The following USP39 variants were observed in gnomAD, a reference collection of about 807,000 sequenced individuals.
USP39 encodes the protein ubiquitin specific peptidase 39, also known as ubiquitin carboxyl-terminal hydrolase 39.
A neutral mutation model predicts 66.4 loss-of-function variants in USP39; 38 were observed. The observed-to-expected ratio is 0.57, with a 90% CI of 0.44 to 0.75. The LOEUF is 0.75. Ranked by LOEUF, USP39 falls within the 30% of genes least tolerant of loss-of-function variation. The pLI is 0.00. For missense variants in USP39, 608 were observed against 714.4 expected, an observed-to-expected ratio of 0.85 and a Z score of 1.70; for synonymous variants, 303 against 274.6, an observed-to-expected ratio of 1.10 and a Z score of -1.02.
chr2:85,616,301 C>G lies in USP39; in HGVS notation c.106C>G (p.Arg36Gly). ...GRVKRERDRE[R>G]EPEAASSRGS... The stretch of plus-strand genomic sequence containing the variant: ...CGTCAAGCGGGAGCGAGATCGGGAG[C>G]GGGAGCCTGAGGCGGCGAGCTCCCG... Residue 36 changes from arginine (R) to glycine (G), a missense_variant, in exon 1 of 13, where the codon CGG becomes GGG. Around this residue, in one of 6 missense-constraint regions of USP39, gnomAD observed 207 missense variants for 145.7 expected, o/e 1.42. Transcript: ENST00000323701. 2 of 1,576,264 alleles carry G rather than the reference C, an allele frequency of 1.3e-6. No individual in the cohort carries two copies. The highest frequency in any genetic ancestry group is 1.7e-6 in the Non-Finnish European group (2 of 1,159,830).
chr2:85,616,160 T>TG (rs1218580734), upstream of USP39: 1 of 1,406,736 alleles, frequency 7.1e-7, no homozygotes, highest in Non-Finnish European at 9.3e-7. Flanking sequence ...CGAGCGTGCT[T>TG]GGCGCCTGCG....
At chr2:85,631,456 A>T (rs1675327901) in intron 6 of USP39, among the ~76,000 whole-genome samples, 1 of 151,658 alleles carries the variant, frequency 6.6e-6, no homozygotes, top group Non-Finnish European at 1.5e-5. Context: ...CTATGATTAC[A>T]GGCATGAGCC....
upstream of USP39, chr2:85,610,755 TCTCTC>T (rs1468846758): frequency 7.3e-6 from 1 of 137,346 alleles, no homozygotes; most frequent in African/African-American, 3.2e-5. Flanking sequence ...CCCTTCTCTC[TCTCTC>T]TTTTTTTTTT....
rs1676054505 is a variant in USP39, at chr2:85,639,411, GC to G, written c.1284+23del. ...GAGAAGGTAGCCCATTAACACACCTGCCCTGCCTATACTTACCCTCGCTCTC... is the reference window on the plus strand; with the variant it reads ...GAGAAGGTAGCCCATTAACACACCTGCCTGCCTATACTTACCCTCGCTCTC... On this transcript the variant is annotated intron_variant, in intron 9 of 12. Transcript: ENST00000323701. 3.1e-6 allele frequency: 5 copies of G among 1,601,494 alleles called. No homozygotes were observed. In the South Asian group the frequency reaches 3.3e-5, roughly 11 times the overall value.
intron 1 of USP39, among the ~76,000 whole-genome samples, chr2:85,605,914 C>G (rs1441640421): frequency 6.6e-6 from 1 of 152,152 alleles, no homozygotes; most frequent in Non-Finnish European, 1.5e-5. Flanking sequence ...TCATTTGGTA[C>G]AAAAAGCTTT....
At chr2:85,612,261 G>T, upstream of USP39, 1 of 1,444,422 alleles carries the variant, frequency 6.9e-7, no homozygotes, top group Non-Finnish European at 9.3e-7. Context: ...TAGGAAACAA[G>T]GACTTCGGCT....
At chr2:85,630,632 A>T in intron 5 of USP39, 89 bp from the exon 6 acceptor site, 7 of 1,316,640 alleles carry the variant, frequency 5.3e-6, no homozygotes, top group Non-Finnish European at 7.5e-6. Context: ...GCACATCACA[A>T]ATTCTATTAG....
In USP39 at chr2:85,616,195, G is replaced by C; in HGVS notation, c.-1G>C. 1 of 1,443,580 alleles carries C rather than the reference G, an allele frequency of 6.9e-7. No homozygotes were observed. Among genetic ancestry groups the C allele is most frequent in the South Asian group, 1.5e-5 (1 of 66,150 alleles). The allele number at this position is 1,443,580 out of a possible 1,614,324, so 89.4% of individuals were successfully genotyped here. Reference sequence around the variant, plus strand: ...GCTGGACGACTCGGCCGGTAGTGGAGATGTCCGGCCGGTCTAAGCGGGAGT... The same window carrying C: ...GCTGGACGACTCGGCCGGTAGTGGACATGTCCGGCCGGTCTAAGCGGGAGT... On this transcript the variant is annotated 5_prime_UTR_variant, in exon 1 of 13. Coordinates refer to ENST00000323701, the MANE Select transcript of USP39 (RefSeq NM_006590.4).
chr2:85,635,993 G>GC (rs755690108), intron 6 of USP39, 60 bp from the exon 7 acceptor site: 1 of 1,553,138 alleles, frequency 6.4e-7, no homozygotes, highest in Non-Finnish European at 8.9e-7. Context: ...CCAGTGCATG[G>GC]TTTAAGTTAA....
At chr2:85,641,530 T>C (rs1676229013) in intron 10 of USP39, among the ~76,000 whole-genome samples, 1 of 152,198 alleles carries the variant, frequency 6.6e-6, no homozygotes, top group Non-Finnish European at 1.5e-5. Context: ...TCCTTCCAAC[T>C]CAGAAAACTT....
Position 85,616,403 on chromosome 2 carries a change from G to T in USP39, c.208G>T (p.Val70Leu), listed in dbSNP as rs759983127. The change falls in exon 1 of 13, where the codon GTG becomes TTG. Residue 70 changes from valine to leucine, a missense_variant. By Grantham distance (32) the Val-to-Leu change is conservative. Coordinates refer to ENST00000323701, the MANE Select transcript of USP39 (RefSeq NM_006590.4). Reference protein sequence around the residue: ...REAPASVVPFVRVKREREVDE... With the variant: ...REAPASVVPFLRVKREREVDE... ...GGCCCCGGCTTCTGTTGTCCCGTTT[G>T]TGCGGGTGAAGCGGGAGCGCGAGGT... 25 of 1,602,818 alleles carry T rather than the reference G, an allele frequency of 1.6e-5. No homozygotes were observed. The highest frequency in any genetic ancestry group is 1.0e-4 in the Admixed American group (6 of 59,210).
upstream of USP39, among the ~76,000 whole-genome samples, chr2:85,614,998 T>A (rs967873141): frequency 7.6e-6 from 1 of 132,308 alleles, no homozygotes; most frequent in African/African-American, 2.6e-5. Flanking sequence ...TGGTGTGGTG[T>A]GGTGTGGTGT....
chr2:85,608,453 C>T (rs1257679473), upstream of USP39: 1 of 152,028 alleles, frequency 6.6e-6, no homozygotes, highest in African/African-American at 2.4e-5. Flanking sequence ...TGGATTCTAC[C>T]TGAGGCAAAA....
At chr2:85,614,245 C>T (rs1284531341), upstream of USP39, among the ~76,000 whole-genome samples, 3 of 151,988 alleles carry the variant, frequency 2.0e-5, no homozygotes, top group East Asian at 5.8e-4. Flanking sequence ...CCAGGTGTCG[C>T]GGCTTATGCC....
intron 10 of USP39, among the ~76,000 whole-genome samples, chr2:85,643,768 C>T (rs1676431931): frequency 6.6e-6 from 1 of 151,696 alleles, no homozygotes; most frequent in East Asian, 2.0e-4. Flanking sequence ...CTGCCTCAGC[C>T]TCCGGAATAG....
intron 5 of USP39, among the ~76,000 whole-genome samples, chr2:85,629,511 T>C (rs1243463156): frequency 6.6e-6 from 1 of 151,552 alleles, no homozygotes; most frequent in African/African-American, 2.4e-5. Context: ...TTTTTTTTTT[T>C]TTGAGACGGA....
intron 11 of USP39, among the ~76,000 whole-genome samples, chr2:85,646,992 A>T (rs1053860352): frequency 6.7e-6 from 1 of 148,228 alleles, no homozygotes; most frequent in Non-Finnish European, 1.5e-5. Context: ...GGTTCAAGTG[A>T]TTCTCCTGCC....
intron 1 of USP39, among the ~76,000 whole-genome samples, chr2:85,603,595 C>G (rs1283625427): frequency 7.0e-6 from 1 of 143,096 alleles, no homozygotes; most frequent in Non-Finnish European, 1.5e-5. Flanking sequence ...TTTTCTTTTT[C>G]TTTTTTTTTT....
At chr2:85,613,150 G>A (rs531160873), upstream of USP39, among the ~76,000 whole-genome samples, 1 of 152,150 alleles carries the variant, frequency 6.6e-6, no homozygotes, top group African/African-American at 2.4e-5. Context: ...GCTGGAGGGA[G>A]GAATTTGAGA....
Sources: gnomAD v4.1 joint callset for allele counts (sites outside exome capture counted in the v4.1 genomes callset) on GRCh38, gnomAD v4.1.1 for gene constraint, gnomAD v4.1.1 regional missense constraint, MANE v1.5 for transcripts, NCBI Gene and HGNC (gene_info 2026-07-23, HGNC 2026-07-21) for gene names.